The following CCM2 variants were observed in gnomAD, a reference collection of about 807,000 sequenced individuals.
CCM2 encodes the protein CCM2 scaffold protein, also known as cerebral cavernous malformations 2 protein.
Under a neutral mutation model 44.9 loss-of-function variants are expected in CCM2, and 25 were observed. The observed-to-expected ratio is 0.56, with a 90% CI of 0.41 to 0.78. The LOEUF (loss-of-function observed/expected upper bound fraction) is 0.78, where lower values mean the gene tolerates loss of function less well. Among genes scored for constraint, CCM2 ranks in the 30% least tolerant of loss-of-function variants. The pLI is 0.00. For missense variants in CCM2, 481 were observed against 580.6 expected, an observed-to-expected ratio of 0.83 and a Z score of 1.76; for synonymous variants, 219 against 241.1, an observed-to-expected ratio of 0.91 and a Z score of 0.85.
chr7:45,024,890 G>A (rs1032110532), intron 1 of CCM2, among the ~76,000 whole-genome samples: 3 of 152,114 alleles, frequency 2.0e-5, no homozygotes, highest in East Asian at 1.9e-4. Context: ...ACTTGTTACT[G>A]TGCTTTTTCT....
At position 45,073,447 on chromosome 7, in the gene CCM2, C is replaced by G. The variant is rs762364612; in HGVS notation, c.804-13C>G. On this transcript the variant is annotated splice_polypyrimidine_tract_variant and intron_variant, in intron 7 of 9. Transcript: ENST00000258781. The stretch of plus-strand genomic sequence containing the variant: ...GGGGAAGCCACCCGCTCACATACCA[C>G]ATTCTTTCGCAGCTGCTTCCCTGAA... The G allele has an allele frequency of 1.2e-6, 2 of 1,605,436 alleles. No homozygotes were observed. Among genetic ancestry groups the G allele is most frequent in the Admixed American group, 1.7e-5 (1 of 59,990 alleles).
At chr7:45,032,351 C>A (rs1340623531) in intron 1 of CCM2, among the ~76,000 whole-genome samples, 2 of 152,060 alleles carry the variant, frequency 1.3e-5, no homozygotes, top group African/African-American at 4.8e-5. Flanking sequence ...CTCTGAAGCG[C>A]CTTGGCATGC....
intron 1 of CCM2, among the ~76,000 whole-genome samples, chr7:45,019,663 A>G (rs774149891): frequency 8.6e-5 from 13 of 151,966 alleles, no homozygotes; most frequent in Middle Eastern, 3.4e-3. Flanking sequence ...GTTTACTGTG[A>G]CCTTAAACTT....
intron 4 of CCM2, 76 bp from the exon 5 acceptor site, chr7:45,068,367 G>A (rs574711870): frequency 6.2e-4 from 984 of 1,593,002 alleles, no homozygotes; most frequent in Non-Finnish European, 6.9e-4. Context: ...TTTCCATGGC[G>A]GCCTCAGCTG....
chr7:45,049,895 A>G (rs1322738082), intron 2 of CCM2, among the ~76,000 whole-genome samples: 1 of 152,220 alleles, frequency 6.6e-6, no homozygotes, highest in Non-Finnish European at 1.5e-5. Context: ...AAAAAATAAT[A>G]CAAATTTAAA....
At chr7:45,058,313 C>T (rs908594039) in intron 2 of CCM2, among the ~76,000 whole-genome samples, 11 of 151,902 alleles carry the variant, frequency 7.2e-5, no homozygotes, top group Non-Finnish European at 1.5e-4. Flanking sequence ...GTATGATGTT[C>T]GCTTTAGGGT....
At chr7:45,031,574 T>C (rs957697197) in intron 1 of CCM2, among the ~76,000 whole-genome samples, 6 of 151,852 alleles carry the variant, frequency 4.0e-5, no homozygotes, top group African/African-American at 1.4e-4. Context: ...TTATTATTTG[T>C]TTTGAGATGG....
At chr7:45,069,693 A>T in intron 5 of CCM2, 133 bp from the exon 6 acceptor site, 1 of 1,172,496 alleles carries the variant, frequency 8.5e-7, no homozygotes, top group Non-Finnish European at 1.2e-6. Flanking sequence ...TGAAAGGCAG[A>T]GGGACACATT....
At chr7:45,033,508 C>T (rs185958101) in intron 1 of CCM2, among the ~76,000 whole-genome samples, 1 of 152,294 alleles carries the variant, frequency 6.6e-6, no homozygotes, top group African/African-American at 2.4e-5. Flanking sequence ...CAAATGGAGC[C>T]AGGCTGCTTG....
chr7:45,064,060 C>T, intron 3 of CCM2, 59 bp downstream of exon 3: 1 of 1,237,082 alleles, frequency 8.1e-7, no homozygotes, highest in Non-Finnish European at 1.2e-6. Flanking sequence ...CCCTTGGTCC[C>T]TGTACTCTTG....
intron 1 of CCM2, among the ~76,000 whole-genome samples, chr7:45,020,381 G>A (rs1025484405): frequency 9.9e-5 from 15 of 152,192 alleles, no homozygotes; most frequent in Non-Finnish European, 2.1e-4. Context: ...TTTCTTGACA[G>A]TGTGTTTTGG....
chr7:45,039,131 A>G (rs769950243), intron 2 of CCM2, among the ~76,000 whole-genome samples: 1 of 152,146 alleles, frequency 6.6e-6, no homozygotes, highest in Non-Finnish European at 1.5e-5. Flanking sequence ...TCGAATGTCC[A>G]TGGGAGGGAT....
intron 1 of CCM2, among the ~76,000 whole-genome samples, chr7:45,001,822 A>C (rs984718599): frequency 6.6e-6 from 1 of 152,246 alleles, no homozygotes; most frequent in African/African-American, 2.4e-5. Context: ...CAGTAAAATT[A>C]TCAAGAATTT....
chr7:45,049,613 A>G (rs1028059336), intron 2 of CCM2, among the ~76,000 whole-genome samples: 1 of 152,250 alleles, frequency 6.6e-6, no homozygotes, highest in Non-Finnish European at 1.5e-5. Flanking sequence ...ATTTATTAAT[A>G]CATATTTAAT....
chr7:45,074,176 C>CTCTGA, intron 8 of CCM2, 94 bp from the exon 9 acceptor site: 1 of 1,593,578 alleles, frequency 6.3e-7, no homozygotes, highest in Non-Finnish European at 8.5e-7. Context: ...ACAGCTGGTG[C>CTCTGA]TCTGGCTGGG....
intron 1 of CCM2, among the ~76,000 whole-genome samples, chr7:45,015,101 A>T (rs1425705493): frequency 6.6e-6 from 1 of 152,156 alleles, no homozygotes; most frequent in Non-Finnish European, 1.5e-5. Context: ...CAGTCGTCCA[A>T]GGAGTCCTCC....
rs1438581488 is a variant in CCM2 at position 45,000,230 on chromosome 7, G to A, written c.-104G>A. The A allele has an allele frequency of 2.8e-5, 20 of 706,554 alleles. No homozygotes were observed. Among genetic ancestry groups the A allele is most frequent in the Non-Finnish European group, 3.1e-5 (18 of 575,474 alleles). 43.8% of individuals were successfully genotyped at this position (706,554 alleles called of 1,614,324 possible). A position where few individuals can be genotyped will look rare whatever the true frequency, so the allele number is the denominator to read the frequency against. ...ACTTCGGGCCCGGCTGGCGGGCGGC[G>A]CCGGGAGCGCGGGGGCGGCGGGCCC... On this transcript the variant is annotated 5_prime_UTR_variant, in exon 1 of 10. Transcript: ENST00000258781.
At chr7:45,014,946 A>T (rs560326259) in intron 1 of CCM2, among the ~76,000 whole-genome samples, 21 of 152,324 alleles carry the variant, frequency 1.4e-4, no homozygotes, top group Non-Finnish European at 2.8e-4. Context: ...TTAAGTGTAC[A>T]GTTCAATAGC....
chr7:45,011,004 C>T (rs1796043789), intron 1 of CCM2, among the ~76,000 whole-genome samples: 1 of 152,124 alleles, frequency 6.6e-6, no homozygotes, highest in Admixed American at 6.6e-5. Flanking sequence ...TAAGACACTG[C>T]CAAACTTTCT....
Sources: gnomAD v4.1 joint callset for allele counts (sites outside exome capture counted in the v4.1 genomes callset) on GRCh38, gnomAD v4.1.1 for gene constraint, MANE v1.5 for transcripts, NCBI Gene and HGNC (gene_info 2026-07-23, HGNC 2026-07-21) for gene names.